Variants in ULK4 observed in about 807,000 individuals in gnomAD.
ULK4 encodes the protein unc-51 like kinase 4, also known as inactive serine/threonine-protein kinase ULK4.
A neutral mutation model predicts 160.6 loss-of-function variants in ULK4; 133 were observed. The observed-to-expected ratio is 0.83, with a 90% CI of 0.72 to 0.96. The LOEUF (loss-of-function observed/expected upper bound fraction) is 0.96. Ranked by LOEUF, ULK4 falls within the 40% of genes least tolerant of loss-of-function variation. ULK4 has a pLI of 0.00. For missense variants in ULK4, 1,580 were observed against 1,499.5 expected, an observed-to-expected ratio of 1.05 and a Z score of -0.89; for synonymous variants, 534 against 539.8, an observed-to-expected ratio of 0.99 and a Z score of 0.15.
At chr3:41,783,082 A>T (rs567543878) in intron 21 of ULK4, among the ~76,000 whole-genome samples, 22 of 152,272 alleles carry the variant, frequency 1.4e-4, no homozygotes, top group African/African-American at 4.3e-4. Context: ...GAATATGTCA[A>T]CGCGTACATG....
At chr3:41,873,450 G>A (rs13325965) in intron 17 of ULK4, among the ~76,000 whole-genome samples, 1 of 151,878 alleles carries the variant, frequency 6.6e-6, no homozygotes, top group Non-Finnish European at 1.5e-5. Context: ...CGCCATTTCT[G>A]ACTTTTGAAA....
chr3:41,722,689 T>G (rs2037516398), intron 22 of ULK4, among the ~76,000 whole-genome samples: 1 of 152,204 alleles, frequency 6.6e-6, no homozygotes, highest in African/African-American at 2.4e-5. Flanking sequence ...CTGACATCTC[T>G]TCAGAGATTA....
intron 32 of ULK4, among the ~76,000 whole-genome samples, chr3:41,540,449 T>G (rs963539866): frequency 6.6e-6 from 1 of 152,212 alleles, no homozygotes; most frequent in Non-Finnish European, 1.5e-5. Context: ...GATGGGCATT[T>G]GGGTTGATTC....
chr3:41,733,562 TTAAA>T (rs1339712158), intron 22 of ULK4, among the ~76,000 whole-genome samples: 1 of 151,842 alleles, frequency 6.6e-6, no homozygotes, highest in Non-Finnish European at 1.5e-5. Flanking sequence ...TAATAATAAA[TTAAA>T]TATTTATAAA....
At chr3:41,291,373 AGAAAG>A (rs2079558621) in intron 35 of ULK4, among the ~76,000 whole-genome samples, 1 of 130,888 alleles carries the variant, frequency 7.6e-6, no homozygotes, top group Non-Finnish European at 1.6e-5. Flanking sequence ...AAAGTAAAGA[AGAAAG>A]GAAGGAAGGA....
chr3:41,844,713 C>T (rs953370307), intron 17 of ULK4, among the ~76,000 whole-genome samples: 1 of 151,276 alleles, frequency 6.6e-6, no homozygotes, highest in Non-Finnish European at 1.5e-5. Flanking sequence ...GGGCTGCCAG[C>T]ACGCTGTCAC....
At chr3:41,379,712 C>G (rs1463625662) in intron 35 of ULK4, among the ~76,000 whole-genome samples, 1 of 152,118 alleles carries the variant, frequency 6.6e-6, no homozygotes, top group Non-Finnish European at 1.5e-5. Flanking sequence ...TACTCATCAC[C>G]CCTACAAGCC....
chr3:41,555,589 C>T (rs1180883796), intron 32 of ULK4, among the ~76,000 whole-genome samples: 3 of 152,174 alleles, frequency 2.0e-5, no homozygotes, highest in Admixed American at 2.0e-4. Flanking sequence ...TAAATGAATT[C>T]AGCCATTGTG....
chr3:41,688,517 C>G (rs1298279213), intron 27 of ULK4, among the ~76,000 whole-genome samples: 1 of 152,156 alleles, frequency 6.6e-6, no homozygotes, highest in African/African-American at 2.4e-5. Flanking sequence ...TCTATTCATA[C>G]TATTTTTGTA....
intron 32 of ULK4, among the ~76,000 whole-genome samples, chr3:41,548,025 A>G (rs1314751909): frequency 1.3e-5 from 2 of 152,142 alleles, no homozygotes; most frequent in Non-Finnish European, 2.9e-5. Flanking sequence ...CATACTTGCA[A>G]GTGTGTTCAG....
At chr3:41,838,424 A>C (rs899134835) in intron 17 of ULK4, among the ~76,000 whole-genome samples, 4 of 152,180 alleles carry the variant, frequency 2.6e-5, no homozygotes, top group Admixed American at 2.6e-4. Context: ...AAACGGTGAC[A>C]CCAGTAGACT....
At chr3:41,649,496 G>T (rs1326121242) in intron 30 of ULK4, among the ~76,000 whole-genome samples, 1 of 152,170 alleles carries the variant, frequency 6.6e-6, no homozygotes, top group Non-Finnish European at 1.5e-5. Context: ...AGAAGTGCCT[G>T]CTCCTGCTCC....
chr3:41,755,785 G>A (rs1381897801), intron 21 of ULK4, among the ~76,000 whole-genome samples: 7 of 152,140 alleles, frequency 4.6e-5, no homozygotes, highest in African/African-American at 1.2e-4. Context: ...GAACACTATC[G>A]GGAGAACTGG....
At chr3:41,676,956 G>A (rs1016908403) in intron 29 of ULK4, among the ~76,000 whole-genome samples, 6 of 137,470 alleles carry the variant, frequency 4.4e-5, no homozygotes, top group Non-Finnish European at 7.5e-5. Context: ...CTATTGCCCA[G>A]GCTGGAGTGG....
At chr3:41,249,852 C>T (rs1257428146) in intron 35 of ULK4, among the ~76,000 whole-genome samples, 1 of 152,184 alleles carries the variant, frequency 6.6e-6, no homozygotes, top group Non-Finnish European at 1.5e-5. Flanking sequence ...GAGCCTCCTG[C>T]GGATCTCTCA....
chr3:41,908,969 T>G (rs1195983228), intron 11 of ULK4, among the ~76,000 whole-genome samples: 1 of 151,672 alleles, frequency 6.6e-6, no homozygotes, highest in Non-Finnish European at 1.5e-5. Context: ...AGCAGGCACC[T>G]GTAATCCCAG....
chr3:41,612,922 A>G lies in ULK4; in HGVS notation c.3120+2747T>C, dbSNP rs73830294. Among the ~76,000 whole-genome samples, 513 of 152,356 alleles carry G rather than the reference A, an allele frequency of 3.4e-3. 2 individuals carry two copies. The highest frequency in any genetic ancestry group is 0.012 in the African/African-American group (492 of 41,582). Reference sequence around the variant, plus strand: ...CTCATAAGCAGGTTTTAAGTACATCAGACAGAAGCTGGAAAACAGGGATGG... The same window carrying G: ...CTCATAAGCAGGTTTTAAGTACATCGGACAGAAGCTGGAAAACAGGGATGG... On this transcript the variant is annotated intron_variant, in intron 31 of 36. Coordinates refer to ENST00000301831, the MANE Select transcript of ULK4 (RefSeq NM_017886.4).
At chr3:41,594,954 T>C (rs1300931366) in intron 31 of ULK4, among the ~76,000 whole-genome samples, 1 of 152,062 alleles carries the variant, frequency 6.6e-6, no homozygotes, top group African/African-American at 2.4e-5. Flanking sequence ...ATTATATGGC[T>C]AGGGAGAGAT....
intron 19 of ULK4, among the ~76,000 whole-genome samples, chr3:41,808,781 T>A (rs1434458308): frequency 6.6e-6 from 1 of 152,224 alleles, no homozygotes; most frequent in Non-Finnish European, 1.5e-5. Context: ...TTTTTTTGTT[T>A]ACCTTGCTGG....
Sources: gnomAD v4.1 joint callset for allele counts (sites outside exome capture counted in the v4.1 genomes callset) on GRCh38, gnomAD v4.1.1 for gene constraint, MANE v1.5 for transcripts, NCBI Gene and HGNC (gene_info 2026-07-23, HGNC 2026-07-21) for gene names.